LAMA2: variants seen among roughly 807,000 people sequenced by gnomAD.
LAMA2 encodes laminin subunit alpha-2.
A neutral mutation model predicts 364.8 loss-of-function variants in LAMA2; 269 were observed. The ratio of observed to expected loss-of-function variants is 0.74; its 90% CI spans 0.67 to 0.82. LAMA2 has a LOEUF of 0.82. Among genes scored for constraint, LAMA2 ranks in the 40% least tolerant of loss-of-function variants. The pLI is 0.00. For synonymous variants in LAMA2, 1,379 were observed against 1,370.6 expected (o/e 1.01, Z -0.14); for missense variants, 3,807 against 3,873.2 (o/e 0.98, Z 0.45).
At chr6:129,031,427 T>C (rs1786214095) in intron 1 of LAMA2, among the ~76,000 whole-genome samples, 1 of 152,132 alleles carries the variant, frequency 6.6e-6, no homozygotes, top group Non-Finnish European at 1.5e-5. Flanking sequence ...TATTGCAAAA[T>C]GCATCAGTTA....
intron 1 of LAMA2, among the ~76,000 whole-genome samples, chr6:128,923,398 G>A (rs1007519992): frequency 2.0e-5 from 3 of 150,354 alleles, no homozygotes; most frequent in East Asian, 3.9e-4. Context: ...GCAGTGGTTT[G>A]TAGTTCTCCT....
intron 37 of LAMA2, 107 bp downstream of exon 37, chr6:129,393,362 A>G: frequency 3.5e-6 from 3 of 854,020 alleles, no homozygotes; most frequent in Middle Eastern, 2.2e-4. Flanking sequence ...ACAAAAGTCA[A>G]GAGTGACAAC....
intron 3 of LAMA2, among the ~76,000 whole-genome samples, chr6:129,085,297 T>C (rs9492224): frequency 0.16 from 24,936 of 152,134 alleles, 2,403 homozygotes; most frequent in African/African-American, 0.27. Flanking sequence ...TAAGGGATGA[T>C]TGAATGCTCA....
chr6:129,270,246 T>C (rs1787822089), intron 16 of LAMA2, among the ~76,000 whole-genome samples: 1 of 150,484 alleles, frequency 6.6e-6, no homozygotes, highest in Non-Finnish European at 1.5e-5. Context: ...ATTAAACATA[T>C]GTTATTAGTG....
At chr6:129,428,019 G>A (rs968109399) in intron 41 of LAMA2, among the ~76,000 whole-genome samples, 165 bp downstream of exon 41, 1 of 152,142 alleles carries the variant, frequency 6.6e-6, no homozygotes, top group Non-Finnish European at 1.5e-5. Context: ...ACAAAATGTT[G>A]TCTACCTATC....
chr6:129,472,488 G>A (rs983884059), intron 51 of LAMA2, among the ~76,000 whole-genome samples: 2 of 152,076 alleles, frequency 1.3e-5, no homozygotes, highest in South Asian at 2.1e-4. Flanking sequence ...AGGAGTTCCT[G>A]TCTGCTTTCT....
intron 1 of LAMA2, among the ~76,000 whole-genome samples, chr6:128,911,894 A>G (rs1359320469): frequency 1.3e-5 from 2 of 152,088 alleles, no homozygotes; most frequent in East Asian, 1.9e-4. Context: ...TGAAACACCA[A>G]CTAAGTACTT....
chr6:129,015,669 A>G (rs1399648986), intron 1 of LAMA2, among the ~76,000 whole-genome samples: 1 of 152,080 alleles, frequency 6.6e-6, no homozygotes, highest in Non-Finnish European at 1.5e-5. Flanking sequence ...AGCATTCCTC[A>G]TTGTTCCTAA....
At chr6:129,231,039 G>A (rs947645412) in intron 12 of LAMA2, among the ~76,000 whole-genome samples, 1 of 152,064 alleles carries the variant, frequency 6.6e-6, no homozygotes, top group Non-Finnish European at 1.5e-5. Flanking sequence ...AATATCAGTA[G>A]CACTTTGCCA....
chr6:128,888,390 G>A (rs1248107797), intron 1 of LAMA2, among the ~76,000 whole-genome samples: 2 of 152,178 alleles, frequency 1.3e-5, no homozygotes, highest in African/African-American at 2.4e-5. Flanking sequence ...GGATGGAGAT[G>A]AGCAGACAGG....
At chr6:129,146,832 A>C in intron 5 of LAMA2, 127 bp from the exon 6 acceptor site, 1 of 733,164 alleles carries the variant, frequency 1.4e-6, no homozygotes, top group Non-Finnish European at 2.5e-6. Flanking sequence ...ACTTGTCCTC[A>C]AGAAACACAA....
chr6:129,229,043 G>T (rs1452319487), intron 12 of LAMA2, among the ~76,000 whole-genome samples: 2 of 152,138 alleles, frequency 1.3e-5, no homozygotes, highest in Admixed American at 1.3e-4. Flanking sequence ...TTGATGATTT[G>T]ATTGGTGGTT....
intron 51 of LAMA2, among the ~76,000 whole-genome samples, chr6:129,468,703 G>A (rs1379636917): frequency 6.6e-6 from 1 of 151,812 alleles, no homozygotes; most frequent in Non-Finnish European, 1.5e-5. Context: ...AAGAAGAAAG[G>A]CTTGGCAAAA....
chr6:129,113,076 A>G (rs1401086694), intron 4 of LAMA2, among the ~76,000 whole-genome samples: 1 of 152,082 alleles, frequency 6.6e-6, no homozygotes, highest in Non-Finnish European at 1.5e-5. Context: ...AAAAAGAAGG[A>G]TGTTTAGCAG....
chr6:129,225,000 T>A (rs1338736284), intron 12 of LAMA2, among the ~76,000 whole-genome samples: 2 of 152,194 alleles, frequency 1.3e-5, no homozygotes, highest in African/African-American at 4.8e-5. Context: ...AATTATTGCC[T>A]CAATTTCAGA....
chr6:129,034,411 A>T (rs1786464581), intron 1 of LAMA2, among the ~76,000 whole-genome samples: 1 of 152,112 alleles, frequency 6.6e-6, no homozygotes, highest in Non-Finnish European at 1.5e-5. Context: ...TTCCTGATGT[A>T]GCCATTAGTG....
chr6:129,449,799 CTTT>C (rs567411928), intron 45 of LAMA2, among the ~76,000 whole-genome samples: 3 of 123,174 alleles, frequency 2.4e-5, no homozygotes, highest in Admixed American at 8.1e-5. Context: ...GTCTGCTACA[CTTT>C]TTTTTTTTTT....
intron 12 of LAMA2, among the ~76,000 whole-genome samples, chr6:129,208,250 T>C (rs369858448): frequency 1.3e-5 from 2 of 152,192 alleles, no homozygotes; most frequent in East Asian, 1.9e-4. Context: ...TGACACTGTT[T>C]CTTAATGTAT....
At chr6:129,125,374 G>C (rs185892850) in intron 4 of LAMA2, among the ~76,000 whole-genome samples, 57 of 152,294 alleles carry the variant, frequency 3.7e-4, no homozygotes, top group African/African-American at 1.3e-3. Flanking sequence ...TTAAAATCAT[G>C]AGACTGCATA....
Sources: allele counts gnomAD v4.1 joint callset (sites outside exome capture counted in the v4.1 genomes callset), GRCh38; gene constraint gnomAD v4.1.1; transcripts MANE v1.5; gene names NCBI Gene and HGNC (gene_info 2026-07-23, HGNC 2026-07-21).